The following RBM27 variants were observed in gnomAD, a reference collection of about 807,000 sequenced individuals.
RBM27 encodes the protein RNA binding motif protein 27.
Under a neutral mutation model 135.3 loss-of-function variants are expected in RBM27, and 22 were observed. The observed-to-expected ratio is 0.16, with a 90% confidence interval of 0.12 to 0.23. The LOEUF is 0.23. Ranked by LOEUF, RBM27 falls within the 10% of genes least tolerant of loss-of-function variation. The probability of loss-of-function intolerance (pLI) is 1.00; values close to 1 mark genes in which losing one functional copy is unlikely to be tolerated. For synonymous variants in RBM27, 481 were observed against 442.4 expected (o/e 1.09, Z -1.10); for missense variants, 1,009 against 1,281.0 (o/e 0.79, Z 3.24).
chr5:146,269,023 T>A (rs1758745284), intron 15 of RBM27, among the ~76,000 whole-genome samples, 184 bp from the exon 16 acceptor site: 1 of 152,250 alleles, frequency 6.6e-6, no homozygotes, highest in Non-Finnish European at 1.5e-5. Flanking sequence ...AAATATTTTT[T>A]AAGTACAGTT....
At chr5:146,215,476 G>T (rs932944587) in intron 1 of RBM27, among the ~76,000 whole-genome samples, 22 of 152,144 alleles carry the variant, frequency 1.4e-4, no homozygotes, top group African/African-American at 4.8e-4. Context: ...CTCCTTGAAG[G>T]TTCCTATAAC....
At chr5:146,247,605 T>A (rs895139039) in intron 8 of RBM27, among the ~76,000 whole-genome samples, 5 of 152,246 alleles carry the variant, frequency 3.3e-5, no homozygotes, top group African/African-American at 9.6e-5. Flanking sequence ...CATTCTAGAC[T>A]TGGCAGATTG....
At chr5:146,265,335 A>C (rs570885954) in intron 14 of RBM27, among the ~76,000 whole-genome samples, 1 of 152,334 alleles carries the variant, frequency 6.6e-6, no homozygotes, top group Non-Finnish European at 1.5e-5. Flanking sequence ...AGCAAAATGG[A>C]AGAAAAAAAT....
chr5:146,215,482 A>G (rs865886581), intron 1 of RBM27, among the ~76,000 whole-genome samples: 2 of 152,222 alleles, frequency 1.3e-5, no homozygotes, highest in East Asian at 1.9e-4. Context: ...GAAGGTTCCT[A>G]TAACGTCAGA....
intron 1 of RBM27, among the ~76,000 whole-genome samples, chr5:146,208,536 C>T (rs1015994840): frequency 6.6e-6 from 1 of 152,198 alleles, no homozygotes; most frequent in Non-Finnish European, 1.5e-5. Context: ...CCTACAGCTG[C>T]ATGAATAGAC....
At position 146,233,638 on chromosome 5, in the gene RBM27, C is replaced by A; in HGVS notation, c.1039C>A (p.Pro347Thr). The A allele has an allele frequency of 6.3e-7, 1 of 1,575,836 alleles. No individual in the cohort carries two copies. The highest frequency in any genetic ancestry group is 8.5e-7 in the Non-Finnish European group (1 of 1,169,656). The change falls in exon 7 of 21, where the codon CCA (proline) becomes ACA (threonine). Residue 347 changes from proline (P) to threonine (T), a missense_variant. By Grantham distance (38) the Pro-to-Thr change is conservative. Around this residue, in one of 6 missense-constraint regions of RBM27, gnomAD observed 329 missense variants for 368.1 expected, o/e 0.89. Coordinates refer to ENST00000265271, the MANE Select transcript of RBM27 (RefSeq NM_018989.2). ...PGPGPGPGPG[P>T]GPGPGPGPGP... ...TCCAGGCCCAGGCCCGGGCCCAGGT[C>A]CAGGCCCAGGCCCGGGCCCAGGTCC... is the stretch of plus-strand genomic sequence containing the variant.
intron 19 of RBM27, among the ~76,000 whole-genome samples, chr5:146,272,257 T>C (rs546857034): frequency 5.8e-4 from 89 of 152,334 alleles, no homozygotes; most frequent in South Asian, 4.6e-3. Context: ...GCAAACTGTA[T>C]ATACATGCAA....
At chr5:146,273,321 G>C (rs1159276736) in intron 19 of RBM27, among the ~76,000 whole-genome samples, 1 of 152,192 alleles carries the variant, frequency 6.6e-6, no homozygotes, top group African/African-American at 2.4e-5. Context: ...CTTCTGAAAA[G>C]TAGAACCATT....
At chr5:146,275,402 T>C (rs2126897388) in intron 19 of RBM27, among the ~76,000 whole-genome samples, 1 of 151,948 alleles carries the variant, frequency 6.6e-6, no homozygotes, top group East Asian at 1.9e-4. Context: ...CCTCCAGTAG[T>C]TGGGATTACA....
intron 11 of RBM27, among the ~76,000 whole-genome samples, chr5:146,259,584 C>A (rs1758284383): frequency 6.7e-6 from 1 of 148,916 alleles, no homozygotes; most frequent in African/African-American, 2.5e-5. Flanking sequence ...TGTGGTAGAT[C>A]TTTATGGTAG....
chr5:146,272,214 A>C (rs1758898253), intron 19 of RBM27, among the ~76,000 whole-genome samples: 1 of 152,226 alleles, frequency 6.6e-6, no homozygotes, highest in South Asian at 2.1e-4. Flanking sequence ...GATCTCATTT[A>C]ATTTTAAATG....
intron 3 of RBM27, among the ~76,000 whole-genome samples, chr5:146,224,387 A>G (rs535591652): frequency 1.4e-3 from 211 of 152,104 alleles, no homozygotes; most frequent in African/African-American, 4.9e-3. Flanking sequence ...TTAAACAAAT[A>G]AAAATTACAA....
At chr5:146,228,302 T>TG (rs1479794939) in intron 3 of RBM27, among the ~76,000 whole-genome samples, 4 of 148,128 alleles carry the variant, frequency 2.7e-5, no homozygotes, top group Non-Finnish European at 6.0e-5. Flanking sequence ...TTTTTTTTTT[T>TG]GAGACAAAGT....
intron 11 of RBM27, among the ~76,000 whole-genome samples, chr5:146,259,865 C>CA (rs1758306755): frequency 6.8e-6 from 1 of 147,074 alleles, no homozygotes; most frequent in Non-Finnish European, 1.5e-5. Flanking sequence ...CCCAGCTACT[C>CA]GGGAGGCTGA....
chr5:146,257,973 T>C (rs1758190165), intron 10 of RBM27, among the ~76,000 whole-genome samples: 1 of 152,130 alleles, frequency 6.6e-6, no homozygotes, highest in Admixed American at 6.5e-5. Flanking sequence ...TGCACCACCA[T>C]GTCTGGCTAA....
In RBM27 at chr5:146,288,963, C is replaced by T. The variant is rs1759691993; in HGVS notation, c.*2933C>T. ...TAGTATGCCTGTATTATAGTTTTTA[C>T]AAAATTGTGAACTTGTGTAATAGTA... On this transcript the variant is annotated 3_prime_UTR_variant, in exon 21 of 21. Transcript: ENST00000265271. The T allele has an allele frequency of 6.6e-6, 1 of 151,902 alleles. No individual in the cohort carries two copies. The allele number at this position is 151,902 out of a possible 1,614,324, so 9.4% of individuals were successfully genotyped here.
intron 9 of RBM27, 44 bp from the exon 10 acceptor site, chr5:146,254,897 CCT>C (rs879306945): frequency 1.4e-5 from 20 of 1,437,436 alleles, no homozygotes; most frequent in Non-Finnish European, 1.8e-5. Context: ...GATGGTTTAA[CCT>C]CTCTCTGATT....
chr5:146,203,832 AGCCGGGCTGGGCCGGG>A lies in RBM27; in HGVS notation c.59+14_59+29del. On this transcript the variant is annotated intron_variant, in intron 1 of 20. Coordinates refer to ENST00000265271, the MANE Select transcript of RBM27 (RefSeq NM_018989.2). ...CAAGTTACTGGAGCCGATGTGAGTG[AGCCGGGCTGGGCCGGG>A]GCCGGCGAACGTGGGCGTTGGGGGC... The A allele has an allele frequency of 7.4e-7, 1 of 1,350,720 alleles. No individual in the cohort carries two copies. The highest frequency in any genetic ancestry group is 9.8e-7 in the Non-Finnish European group (1 of 1,025,056). 83.7% of individuals were successfully genotyped at this position (1,350,720 alleles called of 1,614,324 possible).
chr5:146,273,771 C>A (rs567072283), intron 19 of RBM27, among the ~76,000 whole-genome samples: 1 of 152,182 alleles, frequency 6.6e-6, no homozygotes, highest in African/African-American at 2.4e-5. Flanking sequence ...ATGGGTGAGC[C>A]ATATCTATAT....
Sources: gnomAD v4.1 joint callset for allele counts (sites outside exome capture counted in the v4.1 genomes callset) on GRCh38, gnomAD v4.1.1 for gene constraint, gnomAD v4.1.1 regional missense constraint, MANE v1.5 for transcripts, NCBI Gene and HGNC (gene_info 2026-07-23, HGNC 2026-07-21) for gene names.